The following ANGPT4 variants were observed in gnomAD, a reference collection of about 807,000 sequenced individuals.
The protein encoded by ANGPT4 is angiopoietin-4.
ANGPT4 carries 50 observed loss-of-function variants against 53.0 expected under a neutral mutation model. The observed-to-expected ratio is 0.94, with a 90% CI of 0.75 to 1.20. The LOEUF is 1.20. Among genes scored for constraint, ANGPT4 ranks in the 50% most tolerant of loss-of-function variants. ANGPT4 has a pLI of 0.00. For missense variants in ANGPT4, 648 were observed against 637.1 expected, an observed-to-expected ratio of 1.02 and a Z score of -0.18; for synonymous variants, 251 against 259.7, an observed-to-expected ratio of 0.97 and a Z score of 0.32.
At chr20:900,897 C>T (rs375887320) in intron 1 of ANGPT4, among the ~76,000 whole-genome samples, 6 of 152,158 alleles carry the variant, frequency 3.9e-5, no homozygotes, top group Admixed American at 6.5e-5. Context: ...TTCTCTTATT[C>T]GGACCTTGTG....
At chr20:880,423 A>G (rs978775903) in intron 5 of ANGPT4, among the ~76,000 whole-genome samples, 1 of 152,130 alleles carries the variant, frequency 6.6e-6, no homozygotes, top group Non-Finnish European at 1.5e-5. Flanking sequence ...TGTCCCTACA[A>G]AATGTTTAAA....
chr20:903,260 G>A (rs1011431867), intron 1 of ANGPT4, among the ~76,000 whole-genome samples: 3 of 152,124 alleles, frequency 2.0e-5, no homozygotes, highest in East Asian at 1.9e-4. Context: ...TGGCATTAAG[G>A]AAACTTACCC....
chr20:879,726 T>C (rs1477214301), intron 6 of ANGPT4, 21 bp downstream of exon 6: 1 of 1,604,990 alleles, frequency 6.2e-7, no homozygotes. Flanking sequence ...GAATGGCCCC[T>C]CCCCAAGGCA....
At chr20:909,090 T>C (rs1208169559) in intron 1 of ANGPT4, among the ~76,000 whole-genome samples, 5 of 152,294 alleles carry the variant, frequency 3.3e-5, no homozygotes, top group Admixed American at 3.3e-4. Context: ...GGGTACGAAC[T>C]CACCTCCCTC....
intron 1 of ANGPT4, among the ~76,000 whole-genome samples, chr20:904,540 C>T (rs150461808): frequency 2.6e-5 from 4 of 152,344 alleles, no homozygotes; most frequent in Admixed American, 1.3e-4. Context: ...CCTTGTACAC[C>T]TGTCACTTAA....
At chr20:906,901 G>A (rs1355374443) in intron 1 of ANGPT4, among the ~76,000 whole-genome samples, 1 of 152,218 alleles carries the variant, frequency 6.6e-6, no homozygotes, top group Non-Finnish European at 1.5e-5. Context: ...GGGCTCTCAC[G>A]GAGGGATGAG....
In ANGPT4 at chr20:903,424, A is replaced by G. The variant is rs776872278; in HGVS notation, c.309+12482T>C. ...CACTTCCACCCCAGTCCCAGCCCCCATTGTCTCTAGCAGGGATCAAAGCTT... is the reference window on the plus strand; with the variant it reads ...CACTTCCACCCCAGTCCCAGCCCCCGTTGTCTCTAGCAGGGATCAAAGCTT... On this transcript the variant is annotated intron_variant, in intron 1 of 8. Coordinates refer to ENST00000381922, the MANE Select transcript of ANGPT4 (RefSeq NM_015985.4). 2.6e-5 allele frequency among the ~76,000 whole-genome samples: 4 copies of G among 151,884 alleles called. No homozygotes were observed. The East Asian group carries it at 5.8e-4, about 22-fold the overall frequency.
chr20:893,211 G>A (rs1446935752), intron 1 of ANGPT4, among the ~76,000 whole-genome samples: 1 of 152,150 alleles, frequency 6.6e-6, no homozygotes, highest in Non-Finnish European at 1.5e-5. Context: ...ATGAGCCTAG[G>A]TCACAAACCA....
rs1980954192 is a variant in ANGPT4 at position 871,860 on chromosome 20, C to T, written c.*1100G>A. 1 of 152,168 alleles carries T rather than the reference C, an allele frequency of 6.6e-6. No homozygotes were observed. Among genetic ancestry groups the T allele is most frequent in the Admixed American group, 6.5e-5 (1 of 15,284 alleles). 9.4% of individuals were successfully genotyped at this position (152,168 alleles called of 1,614,324 possible). ...CTAGACCCTTCTTCAGGGATGGTAT[C>T]TGTTTTAACTGAAAGGTTATTTCCA... On this transcript the variant is annotated 3_prime_UTR_variant, in exon 9 of 9. Coordinates refer to ENST00000381922, the MANE Select transcript of ANGPT4 (RefSeq NM_015985.4).
intron 3 of ANGPT4, among the ~76,000 whole-genome samples, chr20:886,451 T>C (rs1370579375): frequency 1.3e-5 from 2 of 152,194 alleles, no homozygotes; most frequent in Non-Finnish European, 2.9e-5. Flanking sequence ...TATAAACAAG[T>C]AGTAGGCTAC....
In ANGPT4 at chr20:885,112, G is replaced by C; in HGVS notation, c.801C>G (p.His267Gln). The C allele has an allele frequency of 6.2e-7, 1 of 1,613,576 alleles. No homozygotes were observed. Among genetic ancestry groups the C allele is most frequent in the Non-Finnish European group, 8.5e-7 (1 of 1,179,876 alleles). Residue 267 changes from histidine (H) to glutamine (Q), a missense_variant, in exon 4 of 9, where the codon CAC becomes CAG. Coordinates refer to ENST00000381922, the MANE Select transcript of ANGPT4 (RefSeq NM_015985.4). ...SLRQLLVLLR[H>Q]LVQERANASA... ...AGGCGTTAGCCCTTTCTTGCACCAG[G>C]TGCCGCAACAACACCAGCAGCTGGC...
chr20:878,615 G>A (rs902373402), intron 6 of ANGPT4, among the ~76,000 whole-genome samples: 1 of 152,170 alleles, frequency 6.6e-6, no homozygotes, highest in Non-Finnish European at 1.5e-5. Context: ...TACCTTTGGT[G>A]GAGTATTGAC....
At chr20:881,630 G>A (rs559931093) in intron 4 of ANGPT4, among the ~76,000 whole-genome samples, 1 of 152,362 alleles carries the variant, frequency 6.6e-6, no homozygotes, top group African/African-American at 2.4e-5. Flanking sequence ...CACCGTGAGA[G>A]AGGAGTTGAG....
At position 890,291 on chromosome 20, in the gene ANGPT4, G is replaced by T. The variant is rs564494099; in HGVS notation, c.387C>A (p.Ala129=). The T allele has an allele frequency of 2.5e-6, 4 of 1,613,982 alleles. No homozygotes were observed. The South Asian group carries it at 4.4e-5, about 18-fold the overall frequency. The change falls in exon 2 of 9, where the codon GCC becomes GCA. Residue 129 remains alanine, a synonymous_variant. Transcript: ENST00000381922. The stretch of plus-strand genomic sequence containing the variant: ...GGCTGGTGCCCAGCTCTAGCATGGG[G>T]GCCGTCTGATTCTGGGCCATTTGCT... ...VQQQMAQNQT[A]PMLELGTSLL... is the part of the protein sequence containing the mutation.
chr20:900,815 C>T (rs1335577755), intron 1 of ANGPT4, among the ~76,000 whole-genome samples: 1 of 151,704 alleles, frequency 6.6e-6, no homozygotes, highest in Non-Finnish European at 1.5e-5. Flanking sequence ...TACACTGAAC[C>T]CCCTTGGACA....
rs1981426362 is a variant in ANGPT4, at chr20:881,952, A to T, written c.836-666T>A. Among the ~76,000 whole-genome samples, 3 of 152,300 alleles carry T rather than the reference A, an allele frequency of 2.0e-5. No homozygotes were observed. In the South Asian group the frequency reaches 6.2e-4, roughly 32 times the overall value. On this transcript the variant is annotated intron_variant, in intron 4 of 8. Coordinates refer to ENST00000381922, the MANE Select transcript of ANGPT4 (RefSeq NM_015985.4). Reference sequence around the variant, plus strand: ...TCCCATTTCACAGACCAGGAAACTGAGGCCCAAGAGTGAGGCAACTGGCCC... The same window carrying T: ...TCCCATTTCACAGACCAGGAAACTGTGGCCCAAGAGTGAGGCAACTGGCCC...
chr20:897,274 G>A (rs565491259), intron 1 of ANGPT4, among the ~76,000 whole-genome samples: 4 of 152,266 alleles, frequency 2.6e-5, no homozygotes, highest in East Asian at 3.9e-4. Flanking sequence ...TCAGGAGACC[G>A]GTCCCCTGTC....
chr20:907,742 G>T (rs765503218), intron 1 of ANGPT4, among the ~76,000 whole-genome samples: 1 of 152,180 alleles, frequency 6.6e-6, no homozygotes, highest in Non-Finnish European at 1.5e-5. Flanking sequence ...CTCTTGGCTA[G>T]AGTGATCATG....
chr20:903,432 T>C (rs1982361241), intron 1 of ANGPT4, among the ~76,000 whole-genome samples: 1 of 152,128 alleles, frequency 6.6e-6, no homozygotes, highest in South Asian at 2.1e-4. Flanking sequence ...CCATTGTCTC[T>C]AGCAGGGATC....
Sources: allele counts gnomAD v4.1 joint callset (sites outside exome capture counted in the v4.1 genomes callset), GRCh38; gene constraint gnomAD v4.1.1; transcripts MANE v1.5; gene names NCBI Gene and HGNC (gene_info 2026-07-23, HGNC 2026-07-21).